The following SEL1L3 variants were observed in gnomAD, a reference collection of about 807,000 sequenced individuals.
The protein encoded by SEL1L3 is protein sel-1 homolog 3.
A neutral mutation model predicts 142.8 loss-of-function variants in SEL1L3; 76 were observed. That is an observed-to-expected ratio of 0.53 (90% CI 0.44 to 0.64). The LOEUF (loss-of-function observed/expected upper bound fraction) is 0.64. SEL1L3 is among the 30% of genes least tolerant of loss of function. The probability of loss-of-function intolerance (pLI) is 0.00; values close to 1 mark genes in which losing one functional copy is unlikely to be tolerated. For missense variants in SEL1L3, 1,262 were observed against 1,381.7 expected (o/e 0.91, Z 1.37); for synonymous variants, 504 against 519.6 (o/e 0.97, Z 0.41).
intron 9 of SEL1L3, among the ~76,000 whole-genome samples, chr4:25,808,306 C>A (rs1445649495): frequency 6.6e-6 from 1 of 152,180 alleles, no homozygotes; most frequent in Non-Finnish European, 1.5e-5. Flanking sequence ...GGAACAAAAG[C>A]CACCACCACC....
At chr4:25,813,398 C>T (rs1222063411) in intron 9 of SEL1L3, among the ~76,000 whole-genome samples, 4 of 152,208 alleles carry the variant, frequency 2.6e-5, no homozygotes, top group Admixed American at 2.0e-4. Context: ...CTAACACACA[C>T]TGCAACAGAG....
rs539008363 is a variant in SEL1L3, at chr4:25,846,392, A to T, written c.733+902T>A. ...TGCTGATGATGTGCTGAGCAATCACATCTCATTTAGTCCTCACAGCACTGC... is the reference window on the plus strand; with the variant it reads ...TGCTGATGATGTGCTGAGCAATCACTTCTCATTTAGTCCTCACAGCACTGC... On this transcript the variant is annotated intron_variant, in intron 2 of 23. Coordinates refer to ENST00000399878, the MANE Select transcript of SEL1L3 (RefSeq NM_015187.5). 1.2e-4 allele frequency among the ~76,000 whole-genome samples: 19 copies of T among 152,318 alleles called. 1 individual carries two copies. The highest frequency in any genetic ancestry group is 4.6e-4 in the African/African-American group (19 of 41,564).
intron 2 of SEL1L3, among the ~76,000 whole-genome samples, chr4:25,841,500 G>A (rs1423765277): frequency 6.6e-6 from 1 of 152,154 alleles, no homozygotes; most frequent in Non-Finnish European, 1.5e-5. Flanking sequence ...GACATCACCT[G>A]GTAGTTTAGC....
At chr4:25,783,692 G>A (rs1156611487) in intron 14 of SEL1L3, among the ~76,000 whole-genome samples, 1 of 152,196 alleles carries the variant, frequency 6.6e-6, no homozygotes, top group Non-Finnish European at 1.5e-5. Context: ...CCTCCATTCT[G>A]TAGAGCTGTA....
chr4:25,816,456 G>A (rs1003360923), intron 9 of SEL1L3, among the ~76,000 whole-genome samples: 5 of 152,126 alleles, frequency 3.3e-5, no homozygotes, highest in Admixed American at 2.0e-4. Context: ...CCACATCCAA[G>A]CAGCCATGGA....
chr4:25,716,778 G>A, the SEL1L3 span, among the ~76,000 whole-genome samples: 1 of 152,072 alleles, frequency 6.6e-6, no homozygotes, highest in Non-Finnish European at 1.5e-5. Flanking sequence ...TAATTTTTGT[G>A]CTAATCTACA....
At chr4:25,818,428 T>C (rs555653472) in intron 8 of SEL1L3, 150 bp from the exon 9 acceptor site, 220 of 695,928 alleles carry the variant, frequency 3.2e-4, no homozygotes, top group Non-Finnish European at 4.6e-4. Flanking sequence ...TTGGCTATGA[T>C]GCTTTTGCCT....
chr4:25,765,737 C>T (rs935358760), intron 19 of SEL1L3, among the ~76,000 whole-genome samples: 2 of 152,094 alleles, frequency 1.3e-5, no homozygotes, highest in Non-Finnish European at 2.9e-5. Flanking sequence ...TTCCTGGGCT[C>T]AAGTGATCCT....
chr4:25,801,262 G>T (rs200976344), intron 11 of SEL1L3, among the ~76,000 whole-genome samples: 1 of 152,340 alleles, frequency 6.6e-6, no homozygotes, highest in Admixed American at 6.5e-5. Flanking sequence ...AATTAGCTGG[G>T]CATGGTGGCA....
At chr4:25,773,043 C>T (rs748903326) in intron 17 of SEL1L3, among the ~76,000 whole-genome samples, 8 of 152,130 alleles carry the variant, frequency 5.3e-5, no homozygotes, top group African/African-American at 1.2e-4. Context: ...ATGATCCACC[C>T]GCCTTGGCCT....
chr4:25,825,877 G>A (rs971215740), intron 6 of SEL1L3, among the ~76,000 whole-genome samples: 19 of 151,896 alleles, frequency 1.3e-4, no homozygotes, highest in African/African-American at 4.6e-4. Context: ...GTTTCACCAT[G>A]TTGGCCAGAT....
the SEL1L3 span, among the ~76,000 whole-genome samples, chr4:25,741,975 A>G: frequency 6.6e-6 from 1 of 151,222 alleles, no homozygotes; most frequent in African/African-American, 2.4e-5. Flanking sequence ...TGCCCGGCTA[A>G]TTTTTTTTGT....
chr4:25,847,295 A>T lies in SEL1L3; in HGVS notation c.732T>A (p.Asn244Lys). 6.2e-7 allele frequency: 1 copy of T among 1,607,262 alleles called. No homozygotes were observed. The highest frequency in any genetic ancestry group is 1.3e-5 in the African/African-American group (1 of 74,690). ...ANRIPQCPLE[N>K]DVVALLGFPY... ...TTCCTAGCAAGATAGATGACCTACCATTTTCCAGAGGACACTGTGGAATCC... is the reference window on the plus strand; with the variant it reads ...TTCCTAGCAAGATAGATGACCTACCTTTTTCCAGAGGACACTGTGGAATCC... The change falls in exon 2 of 24, where the codon AAT (asparagine) becomes AAA (lysine). Residue 244 changes from asparagine to lysine, a missense_variant and splice_region_variant. Physicochemically the swap from Asn to Lys is moderately conservative, Grantham distance 94. Transcript: ENST00000399878.
intron 13 of SEL1L3, among the ~76,000 whole-genome samples, chr4:25,784,796 T>C (rs9283695): frequency 0.69 from 104,547 of 152,168 alleles, 37,221 homozygotes; most frequent in African/African-American, 0.88. Context: ...GCAGCAGAAT[T>C]GGTTGCCTCA....
At chr4:25,778,876 G>A (rs1384827326) in intron 16 of SEL1L3, among the ~76,000 whole-genome samples, 200 bp downstream of exon 16, 1 of 152,200 alleles carries the variant, frequency 6.6e-6, no homozygotes, top group East Asian at 1.9e-4. Flanking sequence ...GGTAGGCAAG[G>A]ATTTCTTGTT....
intron 17 of SEL1L3, among the ~76,000 whole-genome samples, chr4:25,768,051 T>C (rs867260248): frequency 3.9e-5 from 6 of 152,172 alleles, no homozygotes; most frequent in Admixed American, 6.6e-5. Flanking sequence ...GGGGAGCTAG[T>C]TGATGCAACA....
At chr4:25,863,537 G>GC (rs1486964168), upstream of SEL1L3, 3 of 702,714 alleles carry the variant, frequency 4.3e-6, no homozygotes, top group Non-Finnish European at 7.8e-6. Context: ...GGGCGAGTGT[G>GC]CCCCCTGGAG....
the SEL1L3 span, among the ~76,000 whole-genome samples, chr4:25,734,810 C>G: frequency 6.6e-6 from 1 of 152,010 alleles, no homozygotes; most frequent in Non-Finnish European, 1.5e-5. Context: ...CTCAGGTGAT[C>G]CGCCCGCCTC....
chr4:25,811,760 TTTTTTTG>T (rs1714042370), intron 9 of SEL1L3, among the ~76,000 whole-genome samples: 2 of 149,740 alleles, frequency 1.3e-5, no homozygotes, highest in African/African-American at 5.0e-5. Flanking sequence ...TTTTTTTTTT[TTTTTTTG>T]TTGTTGTTGT....
Sources: gnomAD v4.1 joint callset for allele counts (sites outside exome capture counted in the v4.1 genomes callset) on GRCh38, gnomAD v4.1.1 for gene constraint, MANE v1.5 for transcripts, NCBI Gene and HGNC (gene_info 2026-07-23, HGNC 2026-07-21) for gene names.